HSDL2: variants seen among roughly 807,000 people sequenced by gnomAD.
HSDL2 encodes hydroxysteroid dehydrogenase-like protein 2.
In HSDL2, 27 loss-of-function variants were observed where a neutral mutation model predicts 46.3. The ratio of observed to expected loss-of-function variants is 0.58; its 90% CI spans 0.43 to 0.80. HSDL2 has a LOEUF of 0.80. Among genes scored for constraint, HSDL2 ranks in the 30% least tolerant of loss-of-function variants. HSDL2 has a pLI of 0.00. For synonymous variants in HSDL2, 153 were observed against 163.6 expected, an observed-to-expected ratio of 0.94 and a Z score of 0.50; for missense variants, 451 against 502.7, an observed-to-expected ratio of 0.90 and a Z score of 0.98.
intron 4 of HSDL2, among the ~76,000 whole-genome samples, chr9:112,414,957 G>GA (rs11405249): frequency 0.46 from 68,641 of 148,234 alleles, 15,802 homozygotes; most frequent in Middle Eastern, 0.53. Flanking sequence ...TCAGGGTAAA[G>GA]AAAAAAAAAA....
At chr9:112,462,599 G>GATGTGT (rs1285473247) in intron 10 of HSDL2, among the ~76,000 whole-genome samples, 8 of 109,382 alleles carry the variant, frequency 7.3e-5, no homozygotes, top group African/African-American at 3.0e-4. Flanking sequence ...TGAGGAGGGG[G>GATGTGT]ATGTGTGTGT....
At chr9:112,423,223 C>G (rs1026849778) in intron 6 of HSDL2, among the ~76,000 whole-genome samples, 4 of 152,138 alleles carry the variant, frequency 2.6e-5, no homozygotes, top group African/African-American at 7.2e-5. Flanking sequence ...ATAACAACTC[C>G]CTATATTGAA....
intron 6 of HSDL2, among the ~76,000 whole-genome samples, chr9:112,419,256 G>C (rs571848158): frequency 6.6e-6 from 1 of 152,080 alleles, no homozygotes; most frequent in African/African-American, 2.4e-5. Context: ...CTCCCACCTT[G>C]GCCTCCCAAA....
At chr9:112,444,348 A>G (rs1587958564) in intron 8 of HSDL2, among the ~76,000 whole-genome samples, 1 of 152,094 alleles carries the variant, frequency 6.6e-6, no homozygotes, top group East Asian at 1.9e-4. Flanking sequence ...TACCTTTTCC[A>G]GTATTCGTCG....
chr9:112,399,705 G>A (rs192501840), intron 1 of HSDL2, among the ~76,000 whole-genome samples: 1 of 152,102 alleles, frequency 6.6e-6, no homozygotes, highest in South Asian at 2.1e-4. Flanking sequence ...GCAATATCTC[G>A]CCTACTTGGA....
At chr9:112,386,602 T>C (rs183157357) in intron 1 of HSDL2, among the ~76,000 whole-genome samples, 79 of 145,114 alleles carry the variant, frequency 5.4e-4, no homozygotes, top group Non-Finnish European at 1.0e-3. Flanking sequence ...GGCAGCACAG[T>C]AAGACTCTGT....
chr9:112,415,126 C>T (rs1197862424), intron 4 of HSDL2, among the ~76,000 whole-genome samples: 1 of 152,016 alleles, frequency 6.6e-6, no homozygotes, highest in Non-Finnish European at 1.5e-5. Context: ...GAATCTGAAT[C>T]TTAAATAAAT....
chr9:112,431,803 C>T (rs1832410459), intron 6 of HSDL2, among the ~76,000 whole-genome samples: 1 of 151,970 alleles, frequency 6.6e-6, no homozygotes, highest in South Asian at 2.1e-4. Flanking sequence ...TGGAGCCATG[C>T]TTGTACAGCA....
At chr9:112,418,043 C>T (rs943288374) in intron 5 of HSDL2, among the ~76,000 whole-genome samples, 17 of 152,174 alleles carry the variant, frequency 1.1e-4, no homozygotes, top group African/African-American at 4.1e-4. Context: ...CACCACTGTG[C>T]TCCAGCCTGG....
intron 4 of HSDL2, among the ~76,000 whole-genome samples, chr9:112,413,154 G>T (rs1042690547): frequency 6.6e-6 from 1 of 151,578 alleles, no homozygotes; most frequent in Non-Finnish European, 1.5e-5. Flanking sequence ...TCTATGAAAA[G>T]TATGTTATAA....
intron 6 of HSDL2, among the ~76,000 whole-genome samples, chr9:112,428,241 T>C (rs925728027): frequency 6.6e-6 from 1 of 152,220 alleles, no homozygotes; most frequent in Admixed American, 6.5e-5. Context: ...ACCATCTTTC[T>C]TTTTCTTCTA....
rs1831670438 is a variant in HSDL2, at chr9:112,404,157, A to T, written c.180A>T (p.Glu60Asp). 1.2e-6 allele frequency: 2 copies of T among 1,613,478 alleles called. No individual in the cohort carries two copies. The change falls in exon 2 of 11, where the codon GAA becomes GAT. Residue 60 changes from glutamate to aspartate, a missense_variant and splice_region_variant. Coordinates refer to ENST00000398805, the MANE Select transcript of HSDL2 (RefSeq NM_032303.5). ...LLGTIYTAAE[E>D]IEAVGGKALP... ...GCACAATCTATACTGCTGCTGAAGA[A>T]AGTGAGTGTGACAGTGCCATTTGAT...
chr9:112,387,396 T>C (rs903165553), intron 1 of HSDL2, among the ~76,000 whole-genome samples: 4 of 152,014 alleles, frequency 2.6e-5, no homozygotes, highest in African/African-American at 9.7e-5. Context: ...TTTTTGTATT[T>C]TTTAGTAGAG....
intron 1 of HSDL2, among the ~76,000 whole-genome samples, chr9:112,394,060 C>T (rs994344775): frequency 4.6e-5 from 7 of 151,850 alleles, no homozygotes; most frequent in Admixed American, 1.3e-4. Flanking sequence ...ATACCTGGGT[C>T]GAGAAGAATT....
chr9:112,429,024 A>G (rs1832320740), intron 6 of HSDL2, among the ~76,000 whole-genome samples: 1 of 152,088 alleles, frequency 6.6e-6, no homozygotes, highest in Non-Finnish European at 1.5e-5. Context: ...ACAGCCTCCC[A>G]AGTAGCTGGG....
At chr9:112,429,540 A>G (rs1194826477) in intron 6 of HSDL2, among the ~76,000 whole-genome samples, 2 of 152,324 alleles carry the variant, frequency 1.3e-5, no homozygotes, top group African/African-American at 4.8e-5. Flanking sequence ...TTATTCATAC[A>G]ATAAACATTC....
At chr9:112,452,695 G>A (rs10817346) in intron 8 of HSDL2, among the ~76,000 whole-genome samples, 145,515 of 152,260 alleles carry the variant, frequency 0.96, 69,598 homozygotes, top group African/African-American at 0.98. Flanking sequence ...GCAGTGAGCC[G>A]AGATCAAGCC....
At chr9:112,446,431 C>G (rs928821967) in intron 8 of HSDL2, among the ~76,000 whole-genome samples, 3 of 152,062 alleles carry the variant, frequency 2.0e-5, no homozygotes, top group Non-Finnish European at 4.4e-5. Flanking sequence ...CGAGATGAGC[C>G]TGGGCAATGT....
chr9:112,391,799 G>C (rs1457525748), intron 1 of HSDL2, among the ~76,000 whole-genome samples: 1 of 151,672 alleles, frequency 6.6e-6, no homozygotes, highest in East Asian at 1.9e-4. Flanking sequence ...CAGCTACTTG[G>C]GAGGCTGACG....
Sources: gnomAD v4.1 joint callset for allele counts (sites outside exome capture counted in the v4.1 genomes callset) on GRCh38, gnomAD v4.1.1 for gene constraint, MANE v1.5 for transcripts, NCBI Gene and HGNC (gene_info 2026-07-23, HGNC 2026-07-21) for gene names.